Variants in SLC2A2 observed in about 807,000 individuals in gnomAD.
SLC2A2 encodes the protein solute carrier family 2 member 2.
SLC2A2 carries 36 observed loss-of-function variants against 54.5 expected under a neutral mutation model. The ratio of observed to expected loss-of-function variants is 0.66; its 90% CI spans 0.51 to 0.87. The LOEUF is 0.87. Ranked by LOEUF, SLC2A2 falls within the 40% of genes least tolerant of loss-of-function variation. The probability of loss-of-function intolerance (pLI) is 0.00; values close to 1 mark genes in which losing one functional copy is unlikely to be tolerated. For synonymous variants in SLC2A2, 223 were observed against 219.1 expected (o/e 1.02, Z -0.16); for missense variants, 543 against 624.3 (o/e 0.87, Z 1.39).
intron 9 of SLC2A2, among the ~76,000 whole-genome samples, chr3:170,998,628 A>G (rs1715206170): frequency 6.6e-6 from 1 of 152,166 alleles, no homozygotes; most frequent in Non-Finnish European, 1.5e-5. Context: ...TAAAAGAGGC[A>G]GGGCAAGGAT....
intron 4 of SLC2A2, among the ~76,000 whole-genome samples, chr3:171,008,507 T>A (rs1245291378): frequency 6.6e-6 from 1 of 152,128 alleles, no homozygotes; most frequent in Non-Finnish European, 1.5e-5. Flanking sequence ...GGAACTTTAA[T>A]GCTCAGAATA....
chr3:171,012,613 T>A (rs1435944403), intron 3 of SLC2A2, among the ~76,000 whole-genome samples: 3 of 152,108 alleles, frequency 2.0e-5, no homozygotes, highest in Admixed American at 6.6e-5. Flanking sequence ...CTTTTTTTTT[T>A]AAAGGCAATA....
Position 171,005,941 on chromosome 3 carries a change from AC to A in SLC2A2, c.775+1del, listed in dbSNP as rs1303795800. 6.2e-7 allele frequency: 1 copy of A among 1,611,596 alleles called. No individual in the cohort carries two copies. The highest frequency in any genetic ancestry group is 8.5e-7 in the Non-Finnish European group (1 of 1,178,280). ...AGAAAGAAAAACCATCCACAGACTT[AC>A]TTTGTTTTGCTTTGACTTCCTCATC... On this transcript the variant is annotated splice_donor_variant, in intron 6 of 10. Transcript: ENST00000314251. LOFTEE classifies it high-confidence loss of function.
chr3:171,005,805 G>A, intron 6 of SLC2A2, 138 bp downstream of exon 6: 1 of 837,632 alleles, frequency 1.2e-6, no homozygotes, highest in Admixed American at 2.0e-5. Flanking sequence ...GGTGCCAAAT[G>A]ACATGCACCA....
rs1367825628 is a variant in SLC2A2 at position 171,002,734 on chromosome 3, T to A, written c.964-54A>T. ...TCTTAAGAAGTCTGGCACTGATATC[T>A]TTAAAGCAAGAAATATTTTAGATTG... On this transcript the variant is annotated intron_variant, in intron 7 of 10. Coordinates refer to ENST00000314251, the MANE Select transcript of SLC2A2 (RefSeq NM_000340.2). 4 of 958,982 alleles carry A rather than the reference T, an allele frequency of 4.2e-6. No individual in the cohort carries two copies. The African/African-American group carries it at 6.5e-5, about 16-fold the overall frequency. The allele number at this position is 958,982 out of a possible 1,614,324, so 59.4% of individuals were successfully genotyped here.
rs771586150 is a variant in SLC2A2, at chr3:170,997,952, G to T, written c.1526C>A (p.Pro509Gln). ...GAATTTCATTTCTACAGCAGCTTTT[G>T]GCCTGTGGGCTGAGCCACTCTTCTT... ...FQKKSGSAHR[P>Q]KAAVEMKFLG... The change falls in exon 11 of 11, where the codon CCA becomes CAA. Residue 509 changes from proline to glutamine, a missense_variant. Physicochemically the swap from Pro to Gln is moderately conservative, Grantham distance 76 (BLOSUM62 -1). Around this residue, in one of 3 missense-constraint regions of SLC2A2, gnomAD observed 108 missense variants for 101.3 expected, o/e 1.07. Transcript: ENST00000314251. 6.2e-7 allele frequency: 1 copy of T among 1,613,324 alleles called. No homozygotes were observed. The highest frequency in any genetic ancestry group is 2.2e-5 in the East Asian group (1 of 44,852).
rs374624284 is a variant in SLC2A2 at position 171,007,172 on chromosome 3, G to A, written c.588C>T (p.Ile196=). 2.7e-4 allele frequency: 430 copies of A among 1,611,540 alleles called. No homozygotes were observed. The highest frequency in any genetic ancestry group is 3.5e-4 in the South Asian group (32 of 91,016). Residue 196 remains isoleucine, a synonymous_variant, in exon 5 of 11, where the codon ATC becomes ATT. Coordinates refer to ENST00000314251, the MANE Select transcript of SLC2A2 (RefSeq NM_000340.2). ...CCTGACTAATAAGAATGCCCGTGAC[G>A]ATGGCCAGCTGATGAAAAGTGCCAA... ...GALGTFHQLA[I]VTGILISQII... is the part of the protein sequence containing the mutation.
intron 4 of SLC2A2, chr3:171,007,477 A>G (rs1306353876): frequency 3.6e-6 from 2 of 558,508 alleles, no homozygotes; most frequent in East Asian, 6.1e-5. Flanking sequence ...ATAGAAAGAA[A>G]TGCTTAGTCA....
At chr3:171,012,112 G>GTCATCATCATCA (rs554180180) in intron 3 of SLC2A2, among the ~76,000 whole-genome samples, 1 of 151,606 alleles carries the variant, frequency 6.6e-6, no homozygotes, top group Non-Finnish European at 1.5e-5. Context: ...GGTCATTGTC[G>GTCATCATCATCA]TCATCATCAT....
In SLC2A2 at chr3:170,999,479, A is replaced by G. The variant is rs187008003; in HGVS notation, c.1069-313T>C. 1.2e-3 allele frequency among the ~76,000 whole-genome samples: 186 copies of G among 152,242 alleles called. 3 individuals carry two copies. Among genetic ancestry groups the G allele is most frequent in the Non-Finnish European group, 4.0e-4 (27 of 67,978 alleles). On this transcript the variant is annotated intron_variant, in intron 8 of 10. Coordinates refer to ENST00000314251, the MANE Select transcript of SLC2A2 (RefSeq NM_000340.2). ...CCAGGATTATCACTTTGGGTACAAT[A>G]TTCACAGACTGTACAGCTGGGGTCT...
chr3:171,021,034 C>T (rs1716439674), intron 1 of SLC2A2, among the ~76,000 whole-genome samples: 1 of 151,890 alleles, frequency 6.6e-6, no homozygotes, highest in African/African-American at 2.4e-5. Context: ...AATGCATACA[C>T]ACACTATATG....
In SLC2A2 at chr3:170,997,820, T is replaced by A. The variant is rs993283861; in HGVS notation, c.*83A>T. The A allele has an allele frequency of 5.5e-5, 59 of 1,067,634 alleles. No homozygotes were observed. In the East Asian group the frequency reaches 1.4e-3, roughly 25 times the overall value. The allele number at this position is 1,067,634 out of a possible 1,614,324, so 66.1% of individuals were successfully genotyped here. ...ATAAAACAATACTTAAAGATGTGGA[T>A]ATAAAATGCTCAAGGAATCATCATT... On this transcript the variant is annotated 3_prime_UTR_variant, in exon 11 of 11. Transcript: ENST00000314251.
chr3:171,020,098 C>G (rs1304148323), intron 1 of SLC2A2, among the ~76,000 whole-genome samples: 1 of 152,146 alleles, frequency 6.6e-6, no homozygotes, highest in African/African-American at 2.4e-5. Flanking sequence ...TGACCCAAGC[C>G]ACTTCCCTTA....
rs1715142944 is a variant in SLC2A2 at position 170,997,657 on chromosome 3, C to T, written c.*246G>A. 2.1e-6 allele frequency: 1 copy of T among 482,272 alleles called. No individual in the cohort carries two copies. The highest frequency in any genetic ancestry group is 3.7e-6 in the Non-Finnish European group (1 of 273,094). 29.9% of individuals were successfully genotyped at this position (482,272 alleles called of 1,614,324 possible). Reference sequence around the variant, plus strand: ...ACAGAGCTAAAAATATTAGAACCACCTGCCCTTTAGTGTAACAAAATAAAC... The same window carrying T: ...ACAGAGCTAAAAATATTAGAACCACTTGCCCTTTAGTGTAACAAAATAAAC... On this transcript the variant is annotated 3_prime_UTR_variant, in exon 11 of 11. Coordinates refer to ENST00000314251, the MANE Select transcript of SLC2A2 (RefSeq NM_000340.2).
At position 170,998,167 on chromosome 3, in the gene SLC2A2, A is replaced by G. The variant is rs746508520; in HGVS notation, c.1374+26T>C. On this transcript the variant is annotated intron_variant, in intron 10 of 10. Transcript: ENST00000314251. ...TTTTGACCCTCTCTTCTGTTCAGTAAATCTGTGGAATATTAGGCTGCTTAC... is the reference window on the plus strand; with the variant it reads ...TTTTGACCCTCTCTTCTGTTCAGTAGATCTGTGGAATATTAGGCTGCTTAC... 10 of 1,613,436 alleles carry G rather than the reference A, an allele frequency of 6.2e-6. No homozygotes were observed. The East Asian group carries it at 1.1e-4, about 18-fold the overall frequency.
intron 4 of SLC2A2, among the ~76,000 whole-genome samples, chr3:171,007,756 G>T (rs1430681627): frequency 6.6e-6 from 1 of 151,990 alleles, no homozygotes; most frequent in African/African-American, 2.4e-5. Flanking sequence ...CCACAACGTA[G>T]AGGGCCCTCA....
In SLC2A2 at chr3:171,010,061, T is replaced by G. The variant is rs1560037450; in HGVS notation, c.393A>C (p.Ala131=). 6.2e-7 allele frequency: 1 copy of G among 1,612,850 alleles called. No individual in the cohort carries two copies. Among genetic ancestry groups the G allele is most frequent in the East Asian group, 2.2e-5 (1 of 44,842 alleles). ...GAGCTCCAACTAATGACAGAATGTTTGCTACTAACATGGCTTTGATTCTGA... is the reference window on the plus strand; with the variant it reads ...GAGCTCCAACTAATGACAGAATGTTGGCTACTAACATGGCTTTGATTCTGA... The part of the protein sequence containing the change: ...TLGRIKAMLV[A]NILSLVGALL... Residue 131 remains alanine (A), a synonymous_variant, in exon 4 of 11, where the codon GCA becomes GCC. Transcript: ENST00000314251.
In SLC2A2 at chr3:171,014,354, A is replaced by G. The variant is rs56261896; in HGVS notation, c.371+115T>C. ...ATATGCCTCATAGGGTCATGAGTTGAAAAAACAACTCTAAAGCTATTCCAC... is the reference window on the plus strand; with the variant it reads ...ATATGCCTCATAGGGTCATGAGTTGGAAAAACAACTCTAAAGCTATTCCAC... On this transcript the variant is annotated intron_variant, in intron 3 of 10. Transcript: ENST00000314251. 3,849 of 1,213,680 alleles carry G rather than the reference A, an allele frequency of 3.2e-3. 11 individuals carry two copies. The highest frequency in any genetic ancestry group is 4.1e-3 in the Non-Finnish European group (3,413 of 840,920). 75.2% of individuals were successfully genotyped at this position (1,213,680 alleles called of 1,614,324 possible).
At chr3:171,021,890 C>G (rs1716482197) in intron 1 of SLC2A2, among the ~76,000 whole-genome samples, 1 of 152,176 alleles carries the variant, frequency 6.6e-6, no homozygotes, top group African/African-American at 2.4e-5. Context: ...TCAGGTCCTT[C>G]TCATGTTACA....
Sources: gnomAD v4.1 joint callset for allele counts (sites outside exome capture counted in the v4.1 genomes callset) on GRCh38, gnomAD v4.1.1 for gene constraint, gnomAD v4.1.1 regional missense constraint, MANE v1.5 for transcripts, NCBI Gene and HGNC (gene_info 2026-07-23, HGNC 2026-07-21) for gene names.